CDCP1: variants seen among roughly 807,000 people sequenced by gnomAD.
The protein encoded by CDCP1 is CUB domain containing protein 1, also known as CUB domain-containing protein 1.
Under a neutral mutation model 60.2 loss-of-function variants are expected in CDCP1, and 29 were observed. The ratio of observed to expected loss-of-function variants is 0.48; its 90% CI spans 0.36 to 0.66. The LOEUF (loss-of-function observed/expected upper bound fraction) is 0.66, where lower values mean the gene tolerates loss of function less well. Among genes scored for constraint, CDCP1 ranks in the 30% least tolerant of loss-of-function variants. The pLI is 0.00. For missense variants in CDCP1, 876 were observed against 1,074.3 expected (o/e 0.82, Z 2.58); for synonymous variants, 387 against 431.1 (o/e 0.90, Z 1.27).
rs34274441 is a variant in CDCP1, at chr3:45,101,886, C to CAA, written c.1025-6320_1025-6319dup. On this transcript the variant is annotated intron_variant, in intron 4 of 8. Transcript: ENST00000296129. ...GGGCAACAAGAGTGAAACTCCAGCT[C>CAA]AAAAAAAAAAAAAAAAAATGTGGTG... Among the ~76,000 whole-genome samples the CAA allele has an allele frequency of 8.3e-3, 915 of 110,638 alleles. 10 individuals carry two copies. Among genetic ancestry groups the CAA allele is most frequent in the East Asian group, 0.036 (143 of 4,004 alleles). 72.6% of individuals were successfully genotyped at this position (110,638 alleles called of 152,430 possible).
intron 4 of CDCP1, among the ~76,000 whole-genome samples, chr3:45,096,363 G>A (rs1403566337): frequency 2.0e-5 from 3 of 152,108 alleles, no homozygotes; most frequent in East Asian, 1.9e-4. Context: ...AGTGGCTCAC[G>A]CTTGTAATCC....
intron 1 of CDCP1, among the ~76,000 whole-genome samples, chr3:45,136,689 C>A (rs1348260809): frequency 6.6e-6 from 1 of 152,244 alleles, no homozygotes; most frequent in Admixed American, 6.5e-5. Flanking sequence ...TTCTACACAA[C>A]CACATTCTTG....
At chr3:45,094,357 C>G (rs1698359455) in intron 5 of CDCP1, among the ~76,000 whole-genome samples, 1 of 152,062 alleles carries the variant, frequency 6.6e-6, no homozygotes, top group Admixed American at 6.6e-5. Context: ...TCCCGAGTAG[C>G]TAGGATTACA....
intron 6 of CDCP1, among the ~76,000 whole-genome samples, chr3:45,092,368 T>C (rs564303772): frequency 3.3e-5 from 5 of 152,248 alleles, no homozygotes; most frequent in African/African-American, 9.6e-5. Context: ...TATCTTCAGG[T>C]TCTGGGAAGA....
Position 45,093,320 on chromosome 3 carries a change from G to T in CDCP1, c.1584C>A (p.Ala528=). The T allele has an allele frequency of 6.2e-7, 1 of 1,614,190 alleles. No individual in the cohort carries two copies. The highest frequency in any genetic ancestry group is 8.5e-7 in the Non-Finnish European group (1 of 1,180,038). ...RTFAPSFQQE[A]SRQGLTVSFI... is the part of the protein sequence containing the mutation. ...AGGACACCGTCAGACCCTGCCTGGA[G>T]GCCTCTTGTTGGAAGCTGGGGGCAA... Residue 528 remains alanine (A), a synonymous_variant, in exon 6 of 9, where the codon GCC becomes GCA. Coordinates refer to ENST00000296129, the MANE Select transcript of CDCP1 (RefSeq NM_022842.5).
rs76325904 is a variant in CDCP1 at position 45,141,502 on chromosome 3, G to T, written c.82+4704C>A. 7.5e-4 allele frequency among the ~76,000 whole-genome samples: 114 copies of T among 152,292 alleles called. 1 individual carries two copies. The East Asian group carries it at 0.019, about 25-fold the overall frequency. On this transcript the variant is annotated intron_variant, in intron 1 of 8. Transcript: ENST00000296129. ...AATGGGATGTATAGCGTTGCTTAGT[G>T]TTTTCATACAGAATGTCTGGTTTTC...
rs758342539 is a variant in CDCP1 at position 45,110,471 on chromosome 3, ACTG to A, written c.1023_1024+1del. ...AGAAAAAGGAAAGTGGGGCTCACTC[ACTG>A]CTTTCATTTTGTGGATGTTGGACCA... On this transcript the variant is annotated splice_donor_variant and coding_sequence_variant, in exon 4 of 9. Coordinates refer to ENST00000296129, the MANE Select transcript of CDCP1 (RefSeq NM_022842.5). LOFTEE classifies it high-confidence loss of function. 3 of 1,613,624 alleles carry A rather than the reference ACTG, an allele frequency of 1.9e-6. No homozygotes were observed. The South Asian group carries it at 3.3e-5, about 18-fold the overall frequency.
Position 45,110,794 on chromosome 3 carries a change from G to T in CDCP1, c.703C>A (p.Leu235Met), listed in dbSNP as rs748696771. Residue 235 changes from leucine to methionine, a missense_variant, in exon 4 of 9, where the codon CTG (leucine) becomes ATG (methionine). Physicochemically the swap from Leu to Met is conservative, Grantham distance 15. Around this residue, in one of 2 missense-constraint regions of CDCP1, gnomAD observed 726 missense variants for 935.7 expected, o/e 0.78. Coordinates refer to ENST00000296129, the MANE Select transcript of CDCP1 (RefSeq NM_022842.5). ...CCTTCTGGGTAGTTGGCAGACATCA[G>T]GGTTGCTGAGCCTTCACCCTCAAAC... ...SVFEGEGSAT[L>M]MSANYPEGFP... The T allele has an allele frequency of 3.7e-6, 6 of 1,613,946 alleles. No individual in the cohort carries two copies. The African/African-American group carries it at 8.0e-5, about 22-fold the overall frequency.
intron 1 of CDCP1, among the ~76,000 whole-genome samples, chr3:45,142,059 C>T (rs1699299454): frequency 6.6e-6 from 1 of 152,144 alleles, no homozygotes; most frequent in Non-Finnish European, 1.5e-5. Flanking sequence ...TCTTGAACTC[C>T]TAACCTCATG....
chr3:45,131,765 A>G (rs1421913070), intron 1 of CDCP1, among the ~76,000 whole-genome samples: 1 of 152,252 alleles, frequency 6.6e-6, no homozygotes, highest in Non-Finnish European at 1.5e-5. Flanking sequence ...AAAGGTCACG[A>G]AAAATAAGGA....
chr3:45,108,825 G>A (rs1199502679), intron 4 of CDCP1, among the ~76,000 whole-genome samples: 6 of 29,134 alleles, frequency 2.1e-4, no homozygotes, highest in African/African-American at 5.3e-4. Context: ...ACATATATAT[G>A]CATGTATATA....
chr3:45,110,828 G>A lies in CDCP1; in HGVS notation c.669C>T (p.Ile223=), dbSNP rs1265134309. ...NRSSIKRLCI[I]ESVFEGEGSA... ...AGCCTTCACCCTCAAACACAGACTC[G>A]ATGATGCACAGACCTAGTGGGAGTG... Residue 223 remains isoleucine (I), a synonymous_variant, in exon 4 of 9, where the codon ATC becomes ATT. Coordinates refer to ENST00000296129, the MANE Select transcript of CDCP1 (RefSeq NM_022842.5). 3.7e-6 allele frequency: 6 copies of A among 1,612,732 alleles called. No homozygotes were observed. The highest frequency in any genetic ancestry group is 1.3e-5 in the African/African-American group (1 of 74,872).
chr3:45,112,298 C>T lies in CDCP1; in HGVS notation c.440G>A (p.Arg147Lys). 6 of 1,614,216 alleles carry T rather than the reference C, an allele frequency of 3.7e-6. No homozygotes were observed. The highest frequency in any genetic ancestry group is 5.1e-6 in the Non-Finnish European group (6 of 1,180,034). Residue 147 changes from arginine (R) to lysine (K), a missense_variant, in exon 3 of 9, where the codon AGG becomes AAG. This residue lies in a region of CDCP1 where 726 missense variants were observed against 935.7 expected (regional missense o/e 0.78). Transcript: ENST00000296129. ...GCAGCTCTCACCCGGACCGATCTGC[C>T]TCAGGCGAGGGATGGAAAACTGCAG... ...LELQFSIPRL[R>K]QIGPGESCPD...
intron 8 of CDCP1, among the ~76,000 whole-genome samples, chr3:45,087,376 T>C (rs1311773633): frequency 6.6e-6 from 1 of 152,182 alleles, no homozygotes; most frequent in African/African-American, 2.4e-5. Flanking sequence ...GGACTGACGA[T>C]TCTCAGGCTT....
intron 4 of CDCP1, among the ~76,000 whole-genome samples, chr3:45,097,434 A>G (rs577220218): frequency 6.6e-6 from 1 of 152,062 alleles, no homozygotes; most frequent in African/African-American, 2.4e-5. Context: ...TTATCCCTAG[A>G]AAGCTCTACA....
intron 1 of CDCP1, among the ~76,000 whole-genome samples, chr3:45,145,873 C>T (rs183583904): frequency 1.3e-5 from 2 of 152,208 alleles, no homozygotes; most frequent in Admixed American, 6.5e-5. Context: ...CGCCTGGGAT[C>T]GGCTACCGGG....
intron 1 of CDCP1, among the ~76,000 whole-genome samples, chr3:45,137,315 G>A (rs548825971): frequency 6.6e-6 from 1 of 152,234 alleles, no homozygotes; most frequent in East Asian, 1.9e-4. Context: ...CCAGTCTCTA[G>A]CAACTAGGGC....
chr3:45,145,744 C>A (rs187958475), intron 1 of CDCP1, among the ~76,000 whole-genome samples: 4 of 152,274 alleles, frequency 2.6e-5, no homozygotes, highest in Admixed American at 2.6e-4. Flanking sequence ...CTCTCTGGAC[C>A]AGGCGAGGAG....
chr3:45,122,579 C>T (rs12629370), intron 1 of CDCP1, among the ~76,000 whole-genome samples: 1,757 of 151,696 alleles, frequency 0.012, 34 homozygotes, highest in African/African-American at 0.036. Context: ...CTCAGTCTCC[C>T]GAGTAGCTGG....
Sources: allele counts gnomAD v4.1 joint callset (sites outside exome capture counted in the v4.1 genomes callset), GRCh38; gene constraint gnomAD v4.1.1; regional missense constraint gnomAD v4.1.1; transcripts MANE v1.5; gene names NCBI Gene and HGNC (gene_info 2026-07-23, HGNC 2026-07-21).